TMEM158: variants seen among roughly 807,000 people sequenced by gnomAD.
The protein encoded by TMEM158 is transmembrane protein 158, also known as 40 kDa BINP-binding protein.
In TMEM158, 7 loss-of-function variants were observed where a neutral mutation model predicts 12.0. The observed-to-expected ratio is 0.59, with a 90% CI of 0.33 to 1.10. The LOEUF is 1.10. Ranked by LOEUF, TMEM158 falls within the 50% of genes least tolerant of loss-of-function variation. The pLI is 0.03. For synonymous variants in TMEM158, 209 were observed against 231.1 expected, an observed-to-expected ratio of 0.90 and a Z score of 0.87; for missense variants, 405 against 454.7, an observed-to-expected ratio of 0.89 and a Z score of 0.99.
chr3:45,225,909 G>T lies in TMEM158; in HGVS notation c.119C>A (p.Ser40Tyr). Residue 40 changes from serine to tyrosine, a missense_variant, in exon 1 of 1, where the codon TCC becomes TAC. Transcript: ENST00000503771. The surrounding 1 kb of genome is among the most constrained non-coding windows in gnomAD (Gnocchi z 5.7). ...GVPSNASVNA[S>Y]SADEPIAPRL... ...CGGGGCGATGGGCTCGTCCGCGGAG[G>T]ACGCGTTGACTGAAGCATTGGAGGG... The T allele has an allele frequency of 8.4e-7, 1 of 1,193,786 alleles. No individual in the cohort carries two copies. Among genetic ancestry groups the T allele is most frequent in the Non-Finnish European group, 1.0e-6 (1 of 967,216 alleles). 73.9% of individuals were successfully genotyped at this position (1,193,786 alleles called of 1,614,324 possible).
rs1346033273 is a variant in TMEM158, at chr3:45,224,961, C to T, written c.*164G>A. 8.9e-7 allele frequency: 1 copy of T among 1,125,836 alleles called. No individual in the cohort carries two copies. Among genetic ancestry groups the T allele is most frequent in the African/African-American group, 1.6e-5 (1 of 61,662 alleles). 69.7% of individuals were successfully genotyped at this position (1,125,836 alleles called of 1,614,324 possible). A position where few individuals can be genotyped will look rare whatever the true frequency, so the allele number is the denominator to read the frequency against. ...CATCTGCTTTTCGGAACTGGAAGCG[C>T]AGCACAAACCTTGCTTTTCAAAGGC... On this transcript the variant is annotated 3_prime_UTR_variant, in exon 1 of 1. Transcript: ENST00000503771.
Position 45,225,283 on chromosome 3 carries a change from C to A in TMEM158, c.745G>T (p.Ala249Ser). 1 of 1,450,300 alleles carries A rather than the reference C, an allele frequency of 6.9e-7. No individual in the cohort carries two copies. The highest frequency in any genetic ancestry group is 1.8e-4 in the Middle Eastern group (1 of 5,582). The allele number at this position is 1,450,300 out of a possible 1,614,324, so 89.8% of individuals were successfully genotyped here. Residue 249 changes from alanine (A) to serine (S), a missense_variant, in exon 1 of 1, where the codon GCC becomes TCC. Coordinates refer to ENST00000503771, the MANE Select transcript of TMEM158 (RefSeq NM_015444.3). The surrounding 1 kb of genome is among the most constrained non-coding windows in gnomAD (Gnocchi z 5.7). ...AALIWPVPII[A>S]GFLPNGMEQR... ...TCCATGCCGTTGGGCAGGAAGCCGG[C>A]GATGATGGGCACCGGCCAGATGAGG...
rs1281563848 is a variant in TMEM158 at position 45,226,014 on chromosome 3, AGCAGGGGCAGCATGGCCTGCGGCGG to A, written c.-12_13del. The A allele has an allele frequency of 9.7e-7, 1 of 1,027,140 alleles. No homozygotes were observed. The highest frequency in any genetic ancestry group is 1.2e-6 in the Non-Finnish European group (1 of 860,398). The allele number at this position is 1,027,140 out of a possible 1,614,324, so 63.6% of individuals were successfully genotyped here. A position where few individuals can be genotyped will look rare whatever the true frequency, so the allele number is the denominator to read the frequency against. On this transcript the variant is annotated start_lost and 5_prime_UTR_variant, in exon 1 of 1. Transcript: ENST00000503771. ...GCAGGCGGCGGCCAGGAGCGCGGCG[AGCAGGGGCAGCATGGCCTGCGGCGG>A]GCGCCTACGCGCGCGAGGCCGGCGG...
chr3:45,224,939 C>T lies in TMEM158; in HGVS notation c.*186G>A, dbSNP rs144346153. 9.7e-4 allele frequency: 1,002 copies of T among 1,038,038 alleles called. 7 individuals are homozygous for T. In the African/African-American group the frequency reaches 0.015, roughly 16 times the overall value. 64.3% of individuals were successfully genotyped at this position (1,038,038 alleles called of 1,614,324 possible). A position where few individuals can be genotyped will look rare whatever the true frequency, so the allele number is the denominator to read the frequency against. ...ACCCTCAGTCCAAGGGCTTAAACAT[C>T]TGCTTTTCGGAACTGGAAGCGCAGC... On this transcript the variant is annotated 3_prime_UTR_variant, in exon 1 of 1. Coordinates refer to ENST00000503771, the MANE Select transcript of TMEM158 (RefSeq NM_015444.3).
Position 45,225,178 on chromosome 3 carries a change from C to T in TMEM158, c.850G>A (p.Ala284Thr). 2 of 1,266,366 alleles carry T rather than the reference C, an allele frequency of 1.6e-6. No individual in the cohort carries two copies. The highest frequency in any genetic ancestry group is 2.0e-6 in the Non-Finnish European group (2 of 1,010,324). 78.4% of individuals were successfully genotyped at this position (1,266,366 alleles called of 1,614,324 possible). A position where few individuals can be genotyped will look rare whatever the true frequency, so the allele number is the denominator to read the frequency against. ...GCCGCGGCGGCGGCGGCAGCGGCGG[C>T]GGCGGCGGCGGCTGCGGTGGTCCCT... Reference protein sequence around the residue: ...PAGTTAAAAAAAAAAAAAAVT... With the variant: ...PAGTTAAAAATAAAAAAAAVT... The change falls in exon 1 of 1, where the codon GCC (alanine) becomes ACC (threonine). Residue 284 changes from alanine to threonine, a missense_variant. Ala to Thr is a moderately conservative substitution (Grantham distance 58, BLOSUM62 0). Transcript: ENST00000503771. This position sits in a 1 kb window ranked among gnomAD's most constrained non-coding sequence, Gnocchi z 5.7.
Position 45,226,007 on chromosome 3 carries a change from C to T in TMEM158, c.21G>A (p.Ala7=), listed in dbSNP as rs1700156401. The change falls in exon 1 of 1, where the codon GCG becomes GCA. Residue 7 remains alanine (A), a synonymous_variant. Coordinates refer to ENST00000503771, the MANE Select transcript of TMEM158 (RefSeq NM_015444.3). MLPLLA[A]LLAAACPLPP... ...GCAGCGGGCAGGCGGCGGCCAGGAG[C>T]GCGGCGAGCAGGGGCAGCATGGCCT... The T allele has an allele frequency of 2.9e-6, 3 of 1,044,380 alleles. No individual in the cohort carries two copies. The highest frequency in any genetic ancestry group is 1.7e-5 in the African/African-American group (1 of 57,408). The allele number at this position is 1,044,380 out of a possible 1,614,324, so 64.7% of individuals were successfully genotyped here.
rs1700145071 is a variant in TMEM158, at chr3:45,225,235, T to G, written c.793A>C (p.Thr265Pro). 2.3e-6 allele frequency: 3 copies of G among 1,327,598 alleles called. No individual in the cohort carries two copies. The South Asian group carries it at 7.1e-5, about 31-fold the overall frequency. The allele number at this position is 1,327,598 out of a possible 1,614,324, so 82.2% of individuals were successfully genotyped here. Residue 265 changes from threonine (T) to proline (P), a missense_variant, in exon 1 of 1, where the codon ACC (threonine) becomes CCC (proline). Physicochemically the swap from Thr to Pro is conservative, Grantham distance 38. Transcript: ENST00000503771. The surrounding 1 kb of genome is among the most constrained non-coding windows in gnomAD (Gnocchi z 5.7). Reference sequence around the variant, plus strand: ...ACTGCGGCGGGGGTGGCTGCGGTGGTGCTGGCGGTGGTCCGGCGCTGTTCC... The same window carrying G: ...ACTGCGGCGGGGGTGGCTGCGGTGGGGCTGGCGGTGGTCCGGCGCTGTTCC... ...GMEQRRTTAS[T>P]TAATPAAVPA...
Position 45,224,830 on chromosome 3 carries a change from T to C in TMEM158, c.*295A>G. The C allele has an allele frequency of 3.2e-6, 1 of 315,092 alleles. No individual in the cohort carries two copies. The highest frequency in any genetic ancestry group is 9.1e-4 in the Middle Eastern group (1 of 1,104). The allele number at this position is 315,092 out of a possible 1,614,324, so 19.5% of individuals were successfully genotyped here. On this transcript the variant is annotated 3_prime_UTR_variant, in exon 1 of 1. Transcript: ENST00000503771. Reference sequence around the variant, plus strand: ...CTGCCATGAATCTAGGGCACGTGGGTGCGGGGAAGGAGTCGGGCAGGGGGA... The same window carrying C: ...CTGCCATGAATCTAGGGCACGTGGGCGCGGGGAAGGAGTCGGGCAGGGGGA...
chr3:45,225,109 G>A lies in TMEM158; in HGVS notation c.*16C>T. On this transcript the variant is annotated 3_prime_UTR_variant, in exon 1 of 1. Coordinates refer to ENST00000503771, the MANE Select transcript of TMEM158 (RefSeq NM_015444.3). The surrounding 1 kb of genome is among the most constrained non-coding windows in gnomAD (Gnocchi z 5.7). The stretch of plus-strand genomic sequence containing the variant: ...GCGCGCGGACACAGGACGGACACAG[G>A]GAGGAGCGGAGCGGGTCACTTGGTC... The A allele has an allele frequency of 8.0e-7, 1 of 1,248,294 alleles. No homozygotes were observed. The allele number at this position is 1,248,294 out of a possible 1,614,324, so 77.3% of individuals were successfully genotyped here. A position where few individuals can be genotyped will look rare whatever the true frequency, so the allele number is the denominator to read the frequency against.
chr3:45,225,489 G>GGGT lies in TMEM158; in HGVS notation c.536_538dup (p.Tyr179_Pro180insHis). Reference sequence around the variant, plus strand: ...CAGCGGCCCGGGCGGCTCGGCCGCGGGGTAGGCTGGCAGCGCGGTGGGCGC... The same window carrying GGGT: ...CAGCGGCCCGGGCGGCTCGGCCGCGGGGTGGTAGGCTGGCAGCGCGGTGGGCGC... On this transcript the variant is annotated inframe_insertion, in exon 1 of 1. Coordinates refer to ENST00000503771, the MANE Select transcript of TMEM158 (RefSeq NM_015444.3). The surrounding 1 kb of genome is among the most constrained non-coding windows in gnomAD (Gnocchi z 5.7). 1 of 1,217,804 alleles carries GGGT rather than the reference G, an allele frequency of 8.2e-7. No homozygotes were observed. Among genetic ancestry groups the GGGT allele is most frequent in the Non-Finnish European group, 1.0e-6 (1 of 968,514 alleles). The allele number at this position is 1,217,804 out of a possible 1,614,324, so 75.4% of individuals were successfully genotyped here. A position where few individuals can be genotyped will look rare whatever the true frequency, so the allele number is the denominator to read the frequency against.
Position 45,225,250 on chromosome 3 carries a change from G to C in TMEM158, c.778C>G (p.Arg260Gly). Residue 260 changes from arginine to glycine, a missense_variant, in exon 1 of 1, where the codon CGG becomes GGG. By Grantham distance (125) the Arg-to-Gly change is moderately radical. Coordinates refer to ENST00000503771, the MANE Select transcript of TMEM158 (RefSeq NM_015444.3). The surrounding 1 kb of genome is among the most constrained non-coding windows in gnomAD (Gnocchi z 5.7). ...GCTGCGGTGGTGCTGGCGGTGGTCC[G>C]GCGCTGTTCCATGCCGTTGGGCAGG... ...GFLPNGMEQR[R>G]TTASTTAATP... 1 of 1,371,312 alleles carries C rather than the reference G, an allele frequency of 7.3e-7. No homozygotes were observed. The allele number at this position is 1,371,312 out of a possible 1,614,324, so 84.9% of individuals were successfully genotyped here.
Position 45,225,971 on chromosome 3 carries a change from G to T in TMEM158, c.57C>A (p.Arg19=). 1 of 1,104,020 alleles carries T rather than the reference G, an allele frequency of 9.1e-7. No homozygotes were observed. The highest frequency in any genetic ancestry group is 1.1e-6 in the Non-Finnish European group (1 of 908,706). The allele number at this position is 1,104,020 out of a possible 1,614,324, so 68.4% of individuals were successfully genotyped here. A position where few individuals can be genotyped will look rare whatever the true frequency, so the allele number is the denominator to read the frequency against. The change falls in exon 1 of 1, where the codon CGC becomes CGA. Residue 19 remains arginine (R), a synonymous_variant. Transcript: ENST00000503771. This position sits in a 1 kb window ranked among gnomAD's most constrained non-coding sequence, Gnocchi z 5.7. ...LAAACPLPPV[R]GGAADAPGLL... ...GGCCGGGCGCGTCCGCGGCCCCGCC[G>T]CGGACGGGCGGCAGCGGGCAGGCGG...
rs1329298503 is a variant in TMEM158 at position 45,224,876 on chromosome 3, C to T, written c.*249G>A. On this transcript the variant is annotated 3_prime_UTR_variant, in exon 1 of 1. Coordinates refer to ENST00000503771, the MANE Select transcript of TMEM158 (RefSeq NM_015444.3). ...GGGGATGCAATAGAGGGGAAAGGGC[C>T]CCATTTCCCTCCTCTCCGTCTTCGG... 2 of 517,136 alleles carry T rather than the reference C, an allele frequency of 3.9e-6. No individual in the cohort carries two copies. The highest frequency in any genetic ancestry group is 2.0e-5 in the African/African-American group (1 of 50,230). 32.0% of individuals were successfully genotyped at this position (517,136 alleles called of 1,614,324 possible). A position where few individuals can be genotyped will look rare whatever the true frequency, so the allele number is the denominator to read the frequency against.
rs543436539 is a variant in TMEM158 at position 45,225,110 on chromosome 3, G to C, written c.*15C>G. 760 of 1,248,942 alleles carry C rather than the reference G, an allele frequency of 6.1e-4. 5 individuals carry two copies. In the African/African-American group the frequency reaches 0.011, roughly 18 times the overall value. 77.4% of individuals were successfully genotyped at this position (1,248,942 alleles called of 1,614,324 possible). A position where few individuals can be genotyped will look rare whatever the true frequency, so the allele number is the denominator to read the frequency against. On this transcript the variant is annotated 3_prime_UTR_variant, in exon 1 of 1. Coordinates refer to ENST00000503771, the MANE Select transcript of TMEM158 (RefSeq NM_015444.3). The surrounding 1 kb of genome is among the most constrained non-coding windows in gnomAD (Gnocchi z 5.7). ...CGCGCGGACACAGGACGGACACAGG[G>C]AGGAGCGGAGCGGGTCACTTGGTCG...
In TMEM158 at chr3:45,225,153, G is replaced by T; in HGVS notation, c.875C>A (p.Ala292Asp). Residue 292 changes from alanine to aspartate, a missense_variant, in exon 1 of 1, where the codon GCC becomes GAC. Transcript: ENST00000503771. The surrounding 1 kb of genome is among the most constrained non-coding windows in gnomAD (Gnocchi z 5.7). ...CTTGGTCGCCACCCCCGAAGTGACG[G>T]CCGCGGCGGCGGCGGCAGCGGCGGC... ...AAAAAAAAAA[A>D]VTSGVATK The T allele has an allele frequency of 1.6e-6, 2 of 1,261,908 alleles. No individual in the cohort carries two copies. The highest frequency in any genetic ancestry group is 2.0e-6 in the Non-Finnish European group (2 of 1,007,924). The allele number at this position is 1,261,908 out of a possible 1,614,324, so 78.2% of individuals were successfully genotyped here. A position where few individuals can be genotyped will look rare whatever the true frequency, so the allele number is the denominator to read the frequency against.
In TMEM158 at chr3:45,226,264, G is replaced by T; in HGVS notation, c.-237C>A. 1 of 263,376 alleles carries T rather than the reference G, an allele frequency of 3.8e-6. No homozygotes were observed. Among genetic ancestry groups the T allele is most frequent in the Non-Finnish European group, 5.9e-6 (1 of 170,810 alleles). The allele number at this position is 263,376 out of a possible 1,614,324, so 16.3% of individuals were successfully genotyped here. On this transcript the variant is annotated 5_prime_UTR_variant, in exon 1 of 1. Coordinates refer to ENST00000503771, the MANE Select transcript of TMEM158 (RefSeq NM_015444.3). ...GTTCCCCGCCGCCCCCGGCGCCGGG[G>T]CCCTTGGGCTGCCGCGCTGCTCTGC... is the stretch of plus-strand genomic sequence containing the variant.
Position 45,225,799 on chromosome 3 carries a change from TG to T in TMEM158, c.228del (p.Ser77AlafsTer7). ...EAAAAAAPCN[I>X]SVQRQMLSSL... ...GAGCTCAGCATCTGCCGCTGCACGC[TG>T]ATGTTGCACGGCGCCGCCGCCGCCG... is the stretch of plus-strand genomic sequence containing the variant. On this transcript the variant is annotated frameshift_variant, in exon 1 of 1. Coordinates refer to ENST00000503771, the MANE Select transcript of TMEM158 (RefSeq NM_015444.3). LOFTEE classifies it high-confidence loss of function. This position sits in a 1 kb window ranked among gnomAD's most constrained non-coding sequence, Gnocchi z 5.7. 7.2e-7 allele frequency: 1 copy of T among 1,390,628 alleles called. No individual in the cohort carries two copies. Among genetic ancestry groups the T allele is most frequent in the Non-Finnish European group, 9.4e-7 (1 of 1,066,676 alleles). The allele number at this position is 1,390,628 out of a possible 1,614,324, so 86.1% of individuals were successfully genotyped here.
Position 45,224,482 on chromosome 3 carries a change from T to C in TMEM158, c.*643A>G, listed in dbSNP as rs990666605. The C allele has an allele frequency of 6.6e-6, 1 of 152,616 alleles. No homozygotes were observed. The highest frequency in any genetic ancestry group is 6.5e-5 in the Admixed American group (1 of 15,278). 9.5% of individuals were successfully genotyped at this position (152,616 alleles called of 1,614,324 possible). Reference sequence around the variant, plus strand: ...ACACATCTCTGGAGGAAAATGTCTGTATTAAAAGCCAAAAAACCACATAAG... The same window carrying C: ...ACACATCTCTGGAGGAAAATGTCTGCATTAAAAGCCAAAAAACCACATAAG... On this transcript the variant is annotated 3_prime_UTR_variant, in exon 1 of 1. Coordinates refer to ENST00000503771, the MANE Select transcript of TMEM158 (RefSeq NM_015444.3).
chr3:45,226,270 G>T lies in TMEM158; in HGVS notation c.-243C>A. 4.4e-6 allele frequency: 1 copy of T among 229,460 alleles called. No individual in the cohort carries two copies. The highest frequency in any genetic ancestry group is 7.2e-6 in the Non-Finnish European group (1 of 139,768). The allele number at this position is 229,460 out of a possible 1,614,324, so 14.2% of individuals were successfully genotyped here. On this transcript the variant is annotated 5_prime_UTR_variant, in exon 1 of 1. Transcript: ENST00000503771. ...CGCCGCCCCCGGCGCCGGGGCCCTT[G>T]GGCTGCCGCGCTGCTCTGCGGGGCC... is the stretch of plus-strand genomic sequence containing the variant.
Sources: gnomAD v4.1 joint callset for allele counts on GRCh38, gnomAD v4.1.1 for gene constraint, Gnocchi (gnomAD v3.1) non-coding constraint, MANE v1.5 for transcripts, NCBI Gene and HGNC (gene_info 2026-07-23, HGNC 2026-07-21) for gene names.